Variants in PLB1 observed in about 807,000 individuals in gnomAD.
The protein encoded by PLB1 is phospholipase B1.
PLB1 carries 242 observed loss-of-function variants against 227.4 expected under a neutral mutation model. The ratio of observed to expected loss-of-function variants is 1.06; its 90% CI spans 0.96 to 1.18. PLB1 has a LOEUF of 1.18. Among genes scored for constraint, PLB1 ranks in the 50% most tolerant of loss-of-function variants. The pLI is 0.00. For missense variants in PLB1, 1,858 were observed against 1,816.3 expected, an observed-to-expected ratio of 1.02 and a Z score of -0.42; for synonymous variants, 757 against 682.2, an observed-to-expected ratio of 1.11 and a Z score of -1.71.
chr2:28,636,284 T>TAACTCCTG (rs1444733781), intron 56 of PLB1, among the ~76,000 whole-genome samples: 1 of 152,092 alleles, frequency 6.6e-6, no homozygotes, highest in Non-Finnish European at 1.5e-5. Flanking sequence ...GGCTGGTCTT[T>TAACTCCTG]AACTCCTGAC....
chr2:28,580,914 C>T (rs895999307), intron 23 of PLB1, among the ~76,000 whole-genome samples: 4 of 152,056 alleles, frequency 2.6e-5, no homozygotes, highest in Non-Finnish European at 5.9e-5. Flanking sequence ...GAGGGATGCC[C>T]CAGCCCCCAG....
intron 20 of PLB1, among the ~76,000 whole-genome samples, chr2:28,570,575 C>A (rs954960774): frequency 1.3e-5 from 2 of 152,184 alleles, no homozygotes; most frequent in African/African-American, 4.8e-5. Context: ...CGCTTGAAGT[C>A]AGGAGTTAGA....
At chr2:28,572,305 T>C (rs1270669393) in intron 20 of PLB1, among the ~76,000 whole-genome samples, 1 of 152,208 alleles carries the variant, frequency 6.6e-6, no homozygotes, top group Non-Finnish European at 1.5e-5. Flanking sequence ...CTGGTGGGAA[T>C]GTAAAAATGG....
At chr2:28,625,167 G>A (rs1687581386) in intron 50 of PLB1, 59 bp downstream of exon 50, 1 of 1,500,714 alleles carries the variant, frequency 6.7e-7, no homozygotes, top group Admixed American at 1.7e-5. Context: ...GGCTGGGGAG[G>A]GGACAGCCCC....
intron 22 of PLB1, among the ~76,000 whole-genome samples, chr2:28,579,023 A>C (rs998862174): frequency 6.6e-6 from 1 of 152,128 alleles, no homozygotes; most frequent in African/African-American, 2.4e-5. Context: ...CTGTGACTTC[A>C]TATGCTTTTC....
intron 6 of PLB1, among the ~76,000 whole-genome samples, chr2:28,528,158 C>G (rs1002150847): frequency 1.3e-5 from 2 of 152,192 alleles, no homozygotes; most frequent in Non-Finnish European, 2.9e-5. Flanking sequence ...ACTTCCAGGC[C>G]AGCTCTCCCA....
rs745447330 is a variant in PLB1, at chr2:28,538,339, C to T, written c.576C>T (p.Gly192=). The T allele has an allele frequency of 8.7e-6, 14 of 1,612,534 alleles. No homozygotes were observed. The highest frequency in any genetic ancestry group is 4.5e-5 in the East Asian group (2 of 44,840). ...CACAGAATGGGCTTGCGGCGGGCGG[C>T]GTGGATGAGCTGATGGGGGTGCTGG... ...SAQQNGLAAG[G]VDELMGVLDY... Residue 192 remains glycine, a synonymous_variant, in exon 10 of 58, where the codon GGC becomes GGT. Transcript: ENST00000327757.
At chr2:28,542,167 GGGA>G (rs1672598619) in intron 13 of PLB1, among the ~76,000 whole-genome samples, 1 of 152,016 alleles carries the variant, frequency 6.6e-6, no homozygotes, top group Admixed American at 6.6e-5. Context: ...GAGTGTGGTG[GGGA>G]GGAGGCCTGG....
intron 20 of PLB1, 23 bp downstream of exon 20, chr2:28,566,862 G>A: frequency 1.2e-6 from 2 of 1,613,880 alleles, no homozygotes; most frequent in Non-Finnish European, 1.7e-6. Flanking sequence ...CGGCGGCCGG[G>A]ATGTTTGGTT....
chr2:28,524,844 CTTTTTTTTTT>C (rs779955635), intron 4 of PLB1, among the ~76,000 whole-genome samples: 2 of 106,580 alleles, frequency 1.9e-5, no homozygotes, highest in Admixed American at 1.0e-4. Flanking sequence ...CTCTCTCTCT[CTTTTTTTTTT>C]TTTTTTTTTT....
intron 17 of PLB1, among the ~76,000 whole-genome samples, chr2:28,562,011 A>G (rs183513522): frequency 1.0e-3 from 156 of 152,374 alleles, no homozygotes; most frequent in African/African-American, 3.6e-3. Flanking sequence ...TATGTACATG[A>G]AATATCCAGA....
intron 12 of PLB1, among the ~76,000 whole-genome samples, chr2:28,541,133 C>A (rs1208689616): frequency 6.6e-6 from 1 of 152,054 alleles, no homozygotes; most frequent in Non-Finnish European, 1.5e-5. Flanking sequence ...GATCGCACCA[C>A]TGCACTCCAG....
chr2:28,566,982 A>T, intron 20 of PLB1, 143 bp downstream of exon 20: 4 of 792,648 alleles, frequency 5.0e-6, no homozygotes, highest in Non-Finnish European at 7.7e-6. Flanking sequence ...GCCTCCCGAG[A>T]CTGCCGCCCA....
intron 49 of PLB1, among the ~76,000 whole-genome samples, 165 bp from the exon 50 acceptor site, chr2:28,624,892 C>T (rs529516356): frequency 6.6e-6 from 1 of 152,178 alleles, no homozygotes; most frequent in Non-Finnish European, 1.5e-5. Flanking sequence ...GGGTCCAGGG[C>T]AGCCATGTGA....
intron 23 of PLB1, among the ~76,000 whole-genome samples, chr2:28,580,859 G>C (rs946411529): frequency 6.6e-6 from 1 of 152,172 alleles, no homozygotes; most frequent in Non-Finnish European, 1.5e-5. Flanking sequence ...GCAGAGTGAG[G>C]TTTAGGAAGT....
chr2:28,564,937 T>C (rs956741209), intron 18 of PLB1, among the ~76,000 whole-genome samples: 1 of 152,190 alleles, frequency 6.6e-6, no homozygotes, highest in Non-Finnish European at 1.5e-5. Context: ...TTCACAACTT[T>C]AAAAAAATGA....
At chr2:28,636,023 GTGTGTA>G (rs1285595600) in intron 56 of PLB1, among the ~76,000 whole-genome samples, 48 of 124,348 alleles carry the variant, frequency 3.9e-4, no homozygotes, top group East Asian at 2.7e-3. Context: ...GTATGAATGT[GTGTGTA>G]TGTGTGTGTG....
In PLB1 at chr2:28,634,939, G is replaced by C. The variant is rs150837168; in HGVS notation, c.4098+1900G>C. 2.1e-3 allele frequency among the ~76,000 whole-genome samples: 322 copies of C among 152,094 alleles called. 1 individual carries two copies. The highest frequency in any genetic ancestry group is 7.2e-3 in the African/African-American group (298 of 41,472). ...AAACAAATAGAAAAAAAAAATATATGTAGCTCTGGCCTTCTCTTCTAAAGC... is the reference window on the plus strand; with the variant it reads ...AAACAAATAGAAAAAAAAAATATATCTAGCTCTGGCCTTCTCTTCTAAAGC... On this transcript the variant is annotated intron_variant, in intron 56 of 57. Transcript: ENST00000327757.
At chr2:28,525,182 A>G (rs1572747090) in intron 4 of PLB1, 85 bp from the exon 5 acceptor site, 4 of 1,253,352 alleles carry the variant, frequency 3.2e-6, no homozygotes, top group Non-Finnish European at 1.1e-6. Context: ...CAGGAGGGGG[A>G]GTTCTGACAG....
Sources: allele counts gnomAD v4.1 joint callset (sites outside exome capture counted in the v4.1 genomes callset), GRCh38; gene constraint gnomAD v4.1.1; transcripts MANE v1.5; gene names NCBI Gene and HGNC (gene_info 2026-07-23, HGNC 2026-07-21).